ST6GALNAC3: variants seen among roughly 807,000 people sequenced by gnomAD.
ST6GALNAC3 encodes alpha-N-acetylgalactosaminide alpha-2,6-sialyltransferase 3.
Under a neutral mutation model 32.7 loss-of-function variants are expected in ST6GALNAC3, and 25 were observed. That is an observed-to-expected ratio of 0.76 (90% CI 0.56 to 1.07). The LOEUF (loss-of-function observed/expected upper bound fraction) is 1.07. Ranked by LOEUF, ST6GALNAC3 falls within the 50% of genes least tolerant of loss-of-function variation. The pLI is 0.00. For synonymous variants in ST6GALNAC3, 129 were observed against 133.1 expected (o/e 0.97, Z 0.21); for missense variants, 355 against 382.4 (o/e 0.93, Z 0.60).
chr1:76,405,212 G>C (rs1379899573), intron 2 of ST6GALNAC3, among the ~76,000 whole-genome samples: 1 of 151,984 alleles, frequency 6.6e-6, no homozygotes, highest in Admixed American at 6.6e-5. Flanking sequence ...GTTTTCCATA[G>C]AGCCACCTTA....
intron 1 of ST6GALNAC3, among the ~76,000 whole-genome samples, chr1:76,213,407 C>A (rs1655277562): frequency 6.6e-6 from 1 of 152,122 alleles, no homozygotes; most frequent in Non-Finnish European, 1.5e-5. Context: ...AAGAAATAAA[C>A]CTTTATTGTT....
At chr1:76,390,507 G>T (rs2101150233) in intron 2 of ST6GALNAC3, among the ~76,000 whole-genome samples, 1 of 152,274 alleles carries the variant, frequency 6.6e-6, no homozygotes, top group African/African-American at 2.4e-5. Context: ...CTCTGCTACT[G>T]GTAATCAGCC....
At chr1:76,343,832 A>G (rs1648268240) in intron 2 of ST6GALNAC3, among the ~76,000 whole-genome samples, 1 of 152,238 alleles carries the variant, frequency 6.6e-6, no homozygotes, top group Non-Finnish European at 1.5e-5. Context: ...CCATTATATG[A>G]TAAACATGCT....
chr1:76,488,426 C>T (rs763764454), intron 3 of ST6GALNAC3, among the ~76,000 whole-genome samples: 1 of 152,042 alleles, frequency 6.6e-6, no homozygotes, highest in Non-Finnish European at 1.5e-5. Flanking sequence ...AACCATGAGC[C>T]GATTAAAACA....
intron 3 of ST6GALNAC3, among the ~76,000 whole-genome samples, chr1:76,568,532 A>G (rs759880678): frequency 1.4e-4 from 22 of 152,128 alleles, no homozygotes; most frequent in Non-Finnish European, 3.1e-4. Context: ...GCAATTTGGA[A>G]TCTCTACAGG....
At chr1:76,549,937 C>T (rs402112) in intron 3 of ST6GALNAC3, among the ~76,000 whole-genome samples, 126,701 of 152,218 alleles carry the variant, frequency 0.83, 53,831 homozygotes, top group East Asian at 0.99. Context: ...TGAGGAAGGT[C>T]GAAGATCTTT....
intron 1 of ST6GALNAC3, among the ~76,000 whole-genome samples, chr1:76,189,752 A>G (rs924309567): frequency 5.3e-5 from 8 of 152,232 alleles, no homozygotes; most frequent in Non-Finnish European, 1.0e-4. Context: ...GCAGAAAAGT[A>G]TAAGCGGTGC....
At chr1:76,434,846 A>G (rs1656028984) in intron 3 of ST6GALNAC3, among the ~76,000 whole-genome samples, 1 of 130,782 alleles carries the variant, frequency 7.6e-6, no homozygotes, top group South Asian at 2.3e-4. Flanking sequence ...GCTGGAATGC[A>G]GTGGCAAGAT....
intron 2 of ST6GALNAC3, among the ~76,000 whole-genome samples, chr1:76,380,508 C>T (rs892488113): frequency 1.2e-4 from 18 of 152,056 alleles, no homozygotes; most frequent in Non-Finnish European, 1.9e-4. Context: ...GCATCATGTA[C>T]ATAAATGTTT....
intron 3 of ST6GALNAC3, among the ~76,000 whole-genome samples, chr1:76,562,505 A>G (rs1407676115): frequency 6.6e-6 from 1 of 152,198 alleles, no homozygotes; most frequent in Non-Finnish European, 1.5e-5. Flanking sequence ...CCCACTTGAT[A>G]GCCACTTTCA....
At chr1:76,423,145 G>A (rs1456255675) in intron 3 of ST6GALNAC3, among the ~76,000 whole-genome samples, 2 of 151,922 alleles carry the variant, frequency 1.3e-5, no homozygotes, top group Non-Finnish European at 1.5e-5. Context: ...TCCTTCTGCC[G>A]TGTAGTTCAG....
chr1:76,154,272 C>A (rs1273074708), intron 1 of ST6GALNAC3, among the ~76,000 whole-genome samples: 4 of 152,114 alleles, frequency 2.6e-5, no homozygotes, highest in African/African-American at 9.7e-5. Flanking sequence ...CACAGGTTTG[C>A]ACCCTGCATG....
At chr1:76,314,085 G>A (rs1646821821) in intron 2 of ST6GALNAC3, 86 bp downstream of exon 2, 3 of 1,325,420 alleles carry the variant, frequency 2.3e-6, no homozygotes, top group Middle Eastern at 1.9e-4. Flanking sequence ...CCAACTCACT[G>A]AACTTACTCT....
chr1:76,490,938 A>T (rs1333812441), intron 3 of ST6GALNAC3, among the ~76,000 whole-genome samples: 2 of 151,312 alleles, frequency 1.3e-5, no homozygotes, highest in East Asian at 3.9e-4. Context: ...AGCTCACCAC[A>T]ACATCCACCT....
intron 1 of ST6GALNAC3, among the ~76,000 whole-genome samples, chr1:76,213,969 G>C (rs1655318542): frequency 6.6e-6 from 1 of 152,122 alleles, no homozygotes; most frequent in Non-Finnish European, 1.5e-5. Context: ...CTGCATCTCA[G>C]AATGTTTTTG....
intron 3 of ST6GALNAC3, among the ~76,000 whole-genome samples, chr1:76,493,465 T>G (rs1474609466): frequency 6.6e-6 from 1 of 152,210 alleles, no homozygotes; most frequent in Non-Finnish European, 1.5e-5. Context: ...AGCCTAGTCT[T>G]CACTCCTGAT....
chr1:76,246,611 T>TA (rs1418384201), intron 1 of ST6GALNAC3, among the ~76,000 whole-genome samples: 4 of 152,200 alleles, frequency 2.6e-5, no homozygotes, highest in Admixed American at 2.6e-4. Context: ...TTGATACTTG[T>TA]GTATGCTTCA....
chr1:76,419,816 G>A (rs1156420041), intron 3 of ST6GALNAC3, among the ~76,000 whole-genome samples: 1 of 152,002 alleles, frequency 6.6e-6, no homozygotes, highest in Non-Finnish European at 1.5e-5. Flanking sequence ...ACAGATGTTT[G>A]CCGAATTGAA....
intron 1 of ST6GALNAC3, among the ~76,000 whole-genome samples, chr1:76,265,681 TCA>T (rs1314208911): frequency 6.6e-6 from 1 of 152,200 alleles, no homozygotes; most frequent in African/African-American, 2.4e-5. Flanking sequence ...CTTGTTTGAA[TCA>T]GTTTCCGTAC....
Sources: gnomAD v4.1 joint callset for allele counts (sites outside exome capture counted in the v4.1 genomes callset) on GRCh38, gnomAD v4.1.1 for gene constraint, MANE v1.5 for transcripts, NCBI Gene and HGNC (gene_info 2026-07-23, HGNC 2026-07-21) for gene names.